Variants in LMBR1 observed in about 807,000 individuals in gnomAD.
LMBR1 encodes the protein limb region 1 protein homolog.
Under a neutral mutation model 73.9 loss-of-function variants are expected in LMBR1, and 52 were observed. That is an observed-to-expected ratio of 0.70 (90% CI 0.56 to 0.89). LMBR1 has a LOEUF of 0.89. Among genes scored for constraint, LMBR1 ranks in the 40% least tolerant of loss-of-function variants. LMBR1 has a pLI of 0.00. For synonymous variants in LMBR1, 215 were observed against 209.4 expected, an observed-to-expected ratio of 1.03 and a Z score of -0.23; for missense variants, 539 against 579.8, an observed-to-expected ratio of 0.93 and a Z score of 0.72.
intron 1 of LMBR1, among the ~76,000 whole-genome samples, chr7:156,862,394 C>G (rs2134204319): frequency 6.6e-6 from 1 of 151,726 alleles, no homozygotes; most frequent in East Asian, 1.9e-4. Flanking sequence ...GTAGGAGCTA[C>G]AATTCAAGAT....
chr7:156,712,601 T>C (rs990677574), intron 15 of LMBR1, among the ~76,000 whole-genome samples: 30 of 152,140 alleles, frequency 2.0e-4, no homozygotes, highest in African/African-American at 6.3e-4. Context: ...AGCAAAGATA[T>C]GGAATCAACC....
At chr7:156,856,676 A>T (rs1198473434) in intron 1 of LMBR1, among the ~76,000 whole-genome samples, 4 of 152,158 alleles carry the variant, frequency 2.6e-5, no homozygotes, top group African/African-American at 9.7e-5. Context: ...ACTGCACTCC[A>T]GCCTAGGCGA....
At chr7:156,710,791 A>C (rs1326521751) in intron 15 of LMBR1, among the ~76,000 whole-genome samples, 1 of 152,216 alleles carries the variant, frequency 6.6e-6, no homozygotes, top group Non-Finnish European at 1.5e-5. Context: ...GTAATCTATA[A>C]AGGAAAATCT....
chr7:156,688,757 C>T (rs1806509088), intron 15 of LMBR1, among the ~76,000 whole-genome samples: 2 of 152,246 alleles, frequency 1.3e-5, no homozygotes, highest in Admixed American at 1.3e-4. Flanking sequence ...AATTACGAGT[C>T]TTCACAGCAT....
At chr7:156,872,981 G>A (rs1263889505) in intron 1 of LMBR1, among the ~76,000 whole-genome samples, 7 of 152,198 alleles carry the variant, frequency 4.6e-5, no homozygotes, top group South Asian at 2.1e-4. Flanking sequence ...GAATGAAGCC[G>A]CGGACCCTCA....
intron 1 of LMBR1, among the ~76,000 whole-genome samples, chr7:156,886,851 A>T (rs1025551487): frequency 1.3e-5 from 2 of 152,144 alleles, no homozygotes; most frequent in Non-Finnish European, 2.9e-5. Context: ...CAGTCTTCAG[A>T]TCTCTATTTT....
intron 15 of LMBR1, among the ~76,000 whole-genome samples, chr7:156,701,880 T>C (rs1388741008): frequency 6.6e-6 from 1 of 152,210 alleles, no homozygotes; most frequent in Non-Finnish European, 1.5e-5. Context: ...CATGTGGTGT[T>C]TGGTTTTCTG....
chr7:156,778,859 A>G (rs1826613020), intron 5 of LMBR1, among the ~76,000 whole-genome samples: 1 of 152,244 alleles, frequency 6.6e-6, no homozygotes, highest in African/African-American at 2.4e-5. Flanking sequence ...ACAGCATATA[A>G]GCAAAAAATA....
At chr7:156,763,000 C>A (rs1823395557) in intron 7 of LMBR1, 108 bp downstream of exon 7, 5 of 618,288 alleles carry the variant, frequency 8.1e-6, no homozygotes, top group South Asian at 7.7e-5. Context: ...AAGGCGAACT[C>A]AAAAAAAATC....
chr7:156,855,980 G>A (rs767196635), intron 1 of LMBR1, among the ~76,000 whole-genome samples: 2 of 152,168 alleles, frequency 1.3e-5, no homozygotes, highest in African/African-American at 2.4e-5. Flanking sequence ...CAGATCACGA[G>A]GTCAGGAGAT....
chr7:156,754,486 A>T (rs1308031740), intron 9 of LMBR1, among the ~76,000 whole-genome samples: 1 of 152,202 alleles, frequency 6.6e-6, no homozygotes, highest in Non-Finnish European at 1.5e-5. Context: ...TCTGCAATGC[A>T]CACCACACAT....
chr7:156,824,636 G>A (rs974079853), intron 4 of LMBR1, among the ~76,000 whole-genome samples: 1 of 152,092 alleles, frequency 6.6e-6, no homozygotes, highest in South Asian at 2.1e-4. Flanking sequence ...GAACCCAAGA[G>A]TTCAAAACCA....
chr7:156,796,650 A>T (rs1158224307), intron 4 of LMBR1, among the ~76,000 whole-genome samples, 158 bp from the exon 5 acceptor site: 1 of 152,188 alleles, frequency 6.6e-6, no homozygotes, highest in Admixed American at 6.5e-5. Context: ...ATTTATTTAA[A>T]TTTTTTTAAC....
At chr7:156,720,221 A>G (rs973702251) in intron 15 of LMBR1, among the ~76,000 whole-genome samples, 8 of 152,138 alleles carry the variant, frequency 5.3e-5, no homozygotes, top group Non-Finnish European at 1.0e-4. Context: ...CAAAGGGCTA[A>G]TATCCAGAAT....
At chr7:156,693,984 T>C (rs1263975347) in intron 15 of LMBR1, among the ~76,000 whole-genome samples, 1 of 152,180 alleles carries the variant, frequency 6.6e-6, no homozygotes, top group Non-Finnish European at 1.5e-5. Flanking sequence ...GGGATGCAAG[T>C]ATGGTTCAAC....
At position 156,678,203 on chromosome 7, in the gene LMBR1, T is replaced by G. The variant is rs940083942; in HGVS notation, c.*5875A>C. The G allele has an allele frequency of 2.0e-5, 3 of 152,216 alleles. No homozygotes were observed. The highest frequency in any genetic ancestry group is 2.9e-5 in the Non-Finnish European group (2 of 68,038). 9.4% of individuals were successfully genotyped at this position (152,216 alleles called of 1,614,324 possible). ...CTCTATTCTTTGCAACCAAGTGCAG[T>G]ACTTTACTGACACAGGAACTAGTGT... On this transcript the variant is annotated 3_prime_UTR_variant, in exon 17 of 17. Transcript: ENST00000353442.
At chr7:156,675,725 C>T, downstream of LMBR1, 1 of 1,613,908 alleles carries the variant, frequency 6.2e-7, no homozygotes, top group Non-Finnish European at 8.5e-7. Context: ...GCATCCTGTG[C>T]TCATACAACA....
At chr7:156,780,936 A>G (rs1022408287) in intron 5 of LMBR1, among the ~76,000 whole-genome samples, 1 of 152,200 alleles carries the variant, frequency 6.6e-6, no homozygotes, top group Non-Finnish European at 1.5e-5. Context: ...TAAAAGAAAC[A>G]AGACAAACCT....
intron 15 of LMBR1, among the ~76,000 whole-genome samples, chr7:156,711,705 C>T (rs1015869968): frequency 6.6e-6 from 1 of 152,124 alleles, no homozygotes; most frequent in African/African-American, 2.4e-5. Flanking sequence ...CACGTATTTA[C>T]AGCCAGCTGA....
Sources: gnomAD v4.1 joint callset for allele counts (sites outside exome capture counted in the v4.1 genomes callset) on GRCh38, gnomAD v4.1.1 for gene constraint, MANE v1.5 for transcripts, NCBI Gene and HGNC (gene_info 2026-07-23, HGNC 2026-07-21) for gene names.